Variants in NRG3 observed in about 807,000 individuals in gnomAD.
NRG3 encodes pro-neuregulin-3, membrane-bound isoform.
A neutral mutation model predicts 66.9 loss-of-function variants in NRG3; 31 were observed. That is an observed-to-expected ratio of 0.46 (90% CI 0.35 to 0.63). The LOEUF (loss-of-function observed/expected upper bound fraction) is 0.63, where lower values mean the gene tolerates loss of function less well. Ranked by LOEUF, NRG3 falls within the 20% of genes least tolerant of loss-of-function variation. NRG3 has a pLI of 0.00. For missense variants in NRG3, 910 were observed against 878.9 expected, an observed-to-expected ratio of 1.04 and a Z score of -0.45; for synonymous variants, 393 against 359.4, an observed-to-expected ratio of 1.09 and a Z score of -1.06.
At chr10:82,049,933 A>G (rs1481250389) in intron 1 of NRG3, among the ~76,000 whole-genome samples, 2 of 152,026 alleles carry the variant, frequency 1.3e-5, no homozygotes, top group Admixed American at 6.6e-5. Flanking sequence ...TTGTGCCTAT[A>G]GTGTTGAATT....
At chr10:82,959,635 C>A (rs1850414094) in intron 6 of NRG3, among the ~76,000 whole-genome samples, 1 of 152,030 alleles carries the variant, frequency 6.6e-6, no homozygotes. Flanking sequence ...GAGCTAGAAG[C>A]CAGAACATGC....
chr10:82,653,250 G>A (rs2051571109), intron 2 of NRG3, among the ~76,000 whole-genome samples: 3 of 152,184 alleles, frequency 2.0e-5, no homozygotes, highest in African/African-American at 7.2e-5. Context: ...GAATCAGTAA[G>A]TAAAGAAAAA....
intron 3 of NRG3, among the ~76,000 whole-genome samples, chr10:82,758,683 C>G (rs902228199): frequency 6.6e-6 from 1 of 151,990 alleles, no homozygotes; most frequent in East Asian, 1.9e-4. Flanking sequence ...GTCTGTAGCT[C>G]TCCATTTTCT....
chr10:81,977,565 G>A (rs550016132), intron 1 of NRG3, among the ~76,000 whole-genome samples: 1 of 152,246 alleles, frequency 6.6e-6, no homozygotes, highest in East Asian at 1.9e-4. Context: ...GCTAATCAAT[G>A]GGTGTGTTTA....
At chr10:82,852,379 G>A (rs556384573) in intron 3 of NRG3, among the ~76,000 whole-genome samples, 2 of 152,130 alleles carry the variant, frequency 1.3e-5, no homozygotes, top group East Asian at 3.9e-4. Flanking sequence ...GTTGACAGGT[G>A]CAGCAAACCG....
chr10:82,579,172 A>AG (rs145729864), intron 2 of NRG3, among the ~76,000 whole-genome samples: 1 of 151,908 alleles, frequency 6.6e-6, no homozygotes, highest in African/African-American at 2.4e-5. Context: ...CTTAAAAAAA[A>AG]CAGCCAATGC....
intron 2 of NRG3, among the ~76,000 whole-genome samples, chr10:82,470,541 A>G (rs1841150369): frequency 6.6e-6 from 1 of 152,200 alleles, no homozygotes; most frequent in African/African-American, 2.4e-5. Context: ...AAGATTCTGC[A>G]CCCTCACAAT....
chr10:82,875,872 T>C (rs949824939), intron 4 of NRG3, among the ~76,000 whole-genome samples: 1 of 152,182 alleles, frequency 6.6e-6, no homozygotes, highest in Non-Finnish European at 1.5e-5. Context: ...GTACCTCCTA[T>C]TGGGAGAAGT....
At chr10:82,271,532 A>T (rs779565042) in intron 1 of NRG3, among the ~76,000 whole-genome samples, 8 of 152,136 alleles carry the variant, frequency 5.3e-5, no homozygotes, top group Non-Finnish European at 1.0e-4. Flanking sequence ...TTTGCCTCTT[A>T]TCCCATATTC....
intron 3 of NRG3, among the ~76,000 whole-genome samples, chr10:82,778,759 A>C (rs1418530314): frequency 6.6e-6 from 1 of 152,074 alleles, no homozygotes; most frequent in African/African-American, 2.4e-5. Context: ...GGGCTCAGGC[A>C]CTGAGGTTAC....
chr10:82,002,937 T>G (rs1320304641), intron 1 of NRG3, among the ~76,000 whole-genome samples: 2 of 152,310 alleles, frequency 1.3e-5, no homozygotes, highest in African/African-American at 4.8e-5. Flanking sequence ...AGTGTTATTA[T>G]CTAACTCACA....
intron 3 of NRG3, among the ~76,000 whole-genome samples, chr10:82,830,978 T>C (rs2062491489): frequency 6.6e-6 from 1 of 152,214 alleles, no homozygotes; most frequent in South Asian, 2.1e-4. Flanking sequence ...TGGGACAGTG[T>C]TTGCAAAACA....
intron 1 of NRG3, among the ~76,000 whole-genome samples, chr10:82,286,067 G>T (rs1437077215): frequency 6.6e-6 from 1 of 152,170 alleles, no homozygotes; most frequent in African/African-American, 2.4e-5. Flanking sequence ...ACAAACAGAA[G>T]AACTAAATCC....
intron 1 of NRG3, among the ~76,000 whole-genome samples, chr10:82,085,039 A>G (rs1208282608): frequency 6.6e-6 from 1 of 152,160 alleles, no homozygotes; most frequent in Non-Finnish European, 1.5e-5. Flanking sequence ...TGAATTGTTA[A>G]GTGTGGCTGC....
At chr10:82,430,069 A>C (rs951722090) in intron 2 of NRG3, among the ~76,000 whole-genome samples, 19 of 152,304 alleles carry the variant, frequency 1.2e-4, no homozygotes, top group Non-Finnish European at 2.5e-4. Context: ...TGGAGAAATC[A>C]GTCCCAGACT....
At chr10:82,193,460 A>G (rs186123436) in intron 1 of NRG3, among the ~76,000 whole-genome samples, 1 of 152,074 alleles carries the variant, frequency 6.6e-6, no homozygotes, top group East Asian at 1.9e-4. Flanking sequence ...CCATTTTATA[A>G]AAAGTCTATT....
At chr10:82,584,200 C>G (rs556129555) in intron 2 of NRG3, among the ~76,000 whole-genome samples, 2 of 152,256 alleles carry the variant, frequency 1.3e-5, no homozygotes, top group African/African-American at 4.8e-5. Context: ...GATTCTCTCA[C>G]CTCAGCCTCT....
intron 1 of NRG3, among the ~76,000 whole-genome samples, chr10:82,205,960 C>G (rs147971310): frequency 7.2e-5 from 11 of 152,238 alleles, no homozygotes; most frequent in Non-Finnish European, 1.6e-4. Flanking sequence ...TTCTCTAGTT[C>G]AGTTGCAATG....
At chr10:82,216,452 TTA>T (rs769676216) in intron 1 of NRG3, among the ~76,000 whole-genome samples, 31 of 143,524 alleles carry the variant, frequency 2.2e-4, no homozygotes, top group African/African-American at 7.6e-4. Flanking sequence ...AAAATACATT[TTA>T]TATATATGTG....
Sources: allele counts gnomAD v4.1 joint callset (sites outside exome capture counted in the v4.1 genomes callset), GRCh38; gene constraint gnomAD v4.1.1; transcripts MANE v1.5; gene names NCBI Gene and HGNC (gene_info 2026-07-23, HGNC 2026-07-21).